Variants in SLC9A5 observed in about 807,000 individuals in gnomAD.
SLC9A5 encodes the protein solute carrier family 9 member A5, also known as sodium/hydrogen exchanger 5.
SLC9A5 carries 52 observed loss-of-function variants against 91.7 expected under a neutral mutation model. That is an observed-to-expected ratio of 0.57 (90% CI 0.45 to 0.71). SLC9A5 has a LOEUF of 0.71. SLC9A5 is among the 30% of genes least tolerant of loss of function. SLC9A5 has a pLI of 0.00. For missense variants in SLC9A5, 871 were observed against 1,158.9 expected, an observed-to-expected ratio of 0.75 and a Z score of 3.61; for synonymous variants, 419 against 474.5, an observed-to-expected ratio of 0.88 and a Z score of 1.52.
chr16:67,258,579 G>C lies in SLC9A5; in HGVS notation c.1626+132G>C, dbSNP rs1037911503. The C allele has an allele frequency of 1.9e-6, 2 of 1,078,200 alleles. No individual in the cohort carries two copies. Among genetic ancestry groups the C allele is most frequent in the African/African-American group, 3.1e-5 (2 of 64,910 alleles). The allele number at this position is 1,078,200 out of a possible 1,614,324, so 66.8% of individuals were successfully genotyped here. ...TTCCTAGCTGGCTCCATGGTCTGGT[G>C]AAGTGGCAGCGGCAGGAAGCAGCTG... On this transcript the variant is annotated intron_variant, in intron 10 of 15. Transcript: ENST00000299798. The surrounding 1 kb of genome is among the most constrained non-coding windows in gnomAD (Gnocchi z 4.5).
chr16:67,258,449 T>C lies in SLC9A5; in HGVS notation c.1626+2T>C. The C allele has an allele frequency of 1.2e-6, 2 of 1,614,030 alleles. No individual in the cohort carries two copies. Among genetic ancestry groups the C allele is most frequent in the South Asian group, 1.1e-5 (1 of 91,072 alleles). On this transcript the variant is annotated splice_donor_variant, in intron 10 of 15. Coordinates refer to ENST00000299798, the MANE Select transcript of SLC9A5 (RefSeq NM_004594.3). LOFTEE classifies it high-confidence loss of function. The surrounding 1 kb of genome is among the most constrained non-coding windows in gnomAD (Gnocchi z 4.5). ...GATGCCATCAGCTTTGTGGACCAGG[T>C]GGGCCAGCAGCTTCCAGGTGGGCCA...
chr16:67,270,367 G>A lies in SLC9A5; in HGVS notation c.2219-371G>A, dbSNP rs905783888. ...TGCTTGGCTAATTTTTGTATTTTTA[G>A]TAGAGACAGGGTTTCATCATGTTGG... On this transcript the variant is annotated intron_variant, in intron 15 of 15. Transcript: ENST00000299798. The surrounding 1 kb of genome is among the most constrained non-coding windows in gnomAD (Gnocchi z 4.3). Among the ~76,000 whole-genome samples, 2 of 152,014 alleles carry A rather than the reference G, an allele frequency of 1.3e-5. No individual in the cohort carries two copies. The highest frequency in any genetic ancestry group is 2.4e-5 in the African/African-American group (1 of 41,370).
chr16:67,257,199 C>A lies in SLC9A5; in HGVS notation c.1335+86C>A. ...AGCCTGTGGGACAGGGGCTTCTCTT[C>A]CCGCTGGGAGATGGAGGGCCCTGAC... On this transcript the variant is annotated intron_variant, in intron 7 of 15. Transcript: ENST00000299798. The surrounding 1 kb of genome is among the most constrained non-coding windows in gnomAD (Gnocchi z 5.1). The A allele has an allele frequency of 6.9e-7, 1 of 1,443,218 alleles. No homozygotes were observed. Among genetic ancestry groups the A allele is most frequent in the Non-Finnish European group, 9.5e-7 (1 of 1,049,450 alleles). The allele number at this position is 1,443,218 out of a possible 1,614,324, so 89.4% of individuals were successfully genotyped here.
chr16:67,257,639 G>A lies in SLC9A5; in HGVS notation c.1496+38G>A, dbSNP rs371814112. On this transcript the variant is annotated intron_variant, in intron 9 of 15. Transcript: ENST00000299798. The surrounding 1 kb of genome is among the most constrained non-coding windows in gnomAD (Gnocchi z 5.1). ...CCCCGAGGCTCCTTCAGCAGCAGCA[G>A]CCCCACCAGCCAGGGAAGCATGGGG... The A allele has an allele frequency of 2.5e-5, 40 of 1,599,416 alleles. No homozygotes were observed. In the African/African-American group the frequency reaches 4.4e-4, roughly 18 times the overall value.
intron 2 of SLC9A5, among the ~76,000 whole-genome samples, chr16:67,253,764 C>T (rs950540839): frequency 7.2e-5 from 11 of 152,222 alleles, no homozygotes; most frequent in Non-Finnish European, 1.6e-4. Context: ...CTCAGGTGAT[C>T]TGCCCACCTC....
chr16:67,267,179 C>T (rs571179706), intron 15 of SLC9A5, among the ~76,000 whole-genome samples: 14 of 147,442 alleles, frequency 9.5e-5, no homozygotes, highest in South Asian at 8.7e-4. Context: ...CTCTGCCTCT[C>T]GGGTTCAAGT....
At chr16:67,254,976 G>C (rs868264006) in intron 2 of SLC9A5, 45 bp from the exon 3 acceptor site, 3 of 1,579,648 alleles carry the variant, frequency 1.9e-6, no homozygotes, top group Non-Finnish European at 2.6e-6. Context: ...CAGGAGACTG[G>C]GTCGTCTTCA....
chr16:67,254,308 T>C (rs2035232677), intron 2 of SLC9A5, among the ~76,000 whole-genome samples: 2 of 152,240 alleles, frequency 1.3e-5, no homozygotes, highest in African/African-American at 4.8e-5. Context: ...TCTTTTGTTA[T>C]TCCCCCTAAT....
intron 15 of SLC9A5, 24 bp downstream of exon 15, chr16:67,266,249 C>T (rs756603564): frequency 6.4e-7 from 1 of 1,572,764 alleles, no homozygotes; most frequent in Non-Finnish European, 8.6e-7. Flanking sequence ...CCCTGCCCAC[C>T]TCCCCTCTGG....
chr16:67,255,880 C>T lies in SLC9A5; in HGVS notation c.861C>T (p.Ala287=). 6.2e-7 allele frequency: 1 copy of T among 1,613,822 alleles called. No individual in the cohort carries two copies. The highest frequency in any genetic ancestry group is 8.5e-7 in the Non-Finnish European group (1 of 1,179,924). The stretch of plus-strand genomic sequence containing the variant: ...AGCCGCTGCTGGTCTTCCTCCTCGC[C>T]TACGCAGCCTACCTCACTGCTGAAA... ...IIEPLLVFLL[A]YAAYLTAEMA... Residue 287 remains alanine, a synonymous_variant, in exon 5 of 16, where the codon GCC becomes GCT. Coordinates refer to ENST00000299798, the MANE Select transcript of SLC9A5 (RefSeq NM_004594.3). The surrounding 1 kb of genome is among the most constrained non-coding windows in gnomAD (Gnocchi z 4.9).
chr16:67,254,323 ATAGT>A (rs1413427589), intron 2 of SLC9A5, among the ~76,000 whole-genome samples: 1 of 152,236 alleles, frequency 6.6e-6, no homozygotes, highest in Non-Finnish European at 1.5e-5. Flanking sequence ...CCTAATAAAA[ATAGT>A]TAGCAGCCAA....
At chr16:67,261,818 T>C (rs760511409) in intron 12 of SLC9A5, 1 of 153,026 alleles carries the variant, frequency 6.5e-6, no homozygotes, top group Non-Finnish European at 1.5e-5. Flanking sequence ...CCGTTCCCTA[T>C]ATTTCCTGGT....
At chr16:67,254,945 G>C in intron 2 of SLC9A5, 76 bp from the exon 3 acceptor site, 2 of 1,466,146 alleles carry the variant, frequency 1.4e-6, no homozygotes, top group Non-Finnish European at 1.9e-6. Context: ...GTGGGGCCTG[G>C]GCTTGTTCCA....
At chr16:67,254,951 TTCCAGGGCGTGC>T in intron 2 of SLC9A5, 58 bp from the exon 3 acceptor site, 5 of 1,506,650 alleles carry the variant, frequency 3.3e-6, no homozygotes, top group Non-Finnish European at 4.5e-6. Flanking sequence ...CCTGGGCTTG[TTCCAGGGCGTGC>T]TCCAGGAGAC....
intron 15 of SLC9A5, among the ~76,000 whole-genome samples, chr16:67,266,882 C>G (rs1353297449): frequency 6.9e-6 from 1 of 144,520 alleles, no homozygotes; most frequent in South Asian, 2.2e-4. Flanking sequence ...GCCATTCTTG[C>G]ATTGCTATAA....
At chr16:67,266,670 A>G (rs1270933545) in intron 15 of SLC9A5, among the ~76,000 whole-genome samples, 1 of 151,790 alleles carries the variant, frequency 6.6e-6, no homozygotes, top group Non-Finnish European at 1.5e-5. Context: ...CCTCCCTAGT[A>G]GCTGGGATTA....
At position 67,270,277 on chromosome 16, in the gene SLC9A5, C is replaced by T. The variant is rs918741183; in HGVS notation, c.2219-461C>T. ...CTCGGCTCATTGCAACCTCTGCCTC[C>T]CGGGTTCAAGTGATTCTCTTGCCTC... On this transcript the variant is annotated intron_variant, in intron 15 of 15. Transcript: ENST00000299798. The surrounding 1 kb of genome is among the most constrained non-coding windows in gnomAD (Gnocchi z 4.3). 1.3e-5 allele frequency among the ~76,000 whole-genome samples: 2 copies of T among 152,140 alleles called. No homozygotes were observed. Among genetic ancestry groups the T allele is most frequent in the African/African-American group, 4.8e-5 (2 of 41,420 alleles).
intron 15 of SLC9A5, among the ~76,000 whole-genome samples, chr16:67,267,236 G>A (rs958925808): frequency 2.0e-5 from 3 of 151,660 alleles, no homozygotes; most frequent in Admixed American, 6.6e-5. Context: ...ACAGGCATGC[G>A]CCACCACACC....
rs745378429 is a variant in SLC9A5 at position 67,252,550 on chromosome 16, C to T, written c.196C>T (p.Leu66=). ...VASLAKIVFH[L]SRKVTSLVPE... is the part of the protein sequence containing the mutation. ...CTCTTTTTGCATTGCAGTGTTTCAC[C>T]TGTCTCGGAAAGTAACATCTCTGGT... The change falls in exon 2 of 16, where the codon CTG becomes TTG. Residue 66 remains leucine, a synonymous_variant. Coordinates refer to ENST00000299798, the MANE Select transcript of SLC9A5 (RefSeq NM_004594.3). The surrounding 1 kb of genome is among the most constrained non-coding windows in gnomAD (Gnocchi z 4.0). The T allele has an allele frequency of 6.2e-7, 1 of 1,611,614 alleles. No homozygotes were observed. The highest frequency in any genetic ancestry group is 1.1e-5 in the South Asian group (1 of 90,942).
Sources: allele counts gnomAD v4.1 joint callset (sites outside exome capture counted in the v4.1 genomes callset), GRCh38; gene constraint gnomAD v4.1.1; non-coding constraint Gnocchi (gnomAD v3.1); transcripts MANE v1.5; gene names NCBI Gene and HGNC (gene_info 2026-07-23, HGNC 2026-07-21).